Variants in KIAA1328 observed in about 807,000 individuals in gnomAD.
The protein encoded by KIAA1328 is protein hinderin.
A neutral mutation model predicts 68.1 loss-of-function variants in KIAA1328; 52 were observed. That is an observed-to-expected ratio of 0.76 (90% confidence interval 0.61 to 0.96). The LOEUF is 0.96. KIAA1328 is among the 40% of genes least tolerant of loss of function. KIAA1328 has a pLI of 0.00. For synonymous variants in KIAA1328, 232 were observed against 239.4 expected, an observed-to-expected ratio of 0.97 and a Z score of 0.28; for missense variants, 641 against 677.6, an observed-to-expected ratio of 0.95 and a Z score of 0.60.
intron 9 of KIAA1328, among the ~76,000 whole-genome samples, chr18:37,174,560 G>T (rs6507192): frequency 0.83 from 111,459 of 134,080 alleles, 44,443 homozygotes; most frequent in South Asian, 0.91. Context: ...TTTTTTTTTG[G>T]ATTTTTATTT....
chr18:36,961,639 A>G (rs2051679360), intron 6 of KIAA1328, among the ~76,000 whole-genome samples: 1 of 152,246 alleles, frequency 6.6e-6, no homozygotes, highest in South Asian at 2.1e-4. Context: ...CCTACAAGCC[A>G]GAAGAGAGTG....
At chr18:37,045,755 A>C (rs1035514924) in intron 6 of KIAA1328, among the ~76,000 whole-genome samples, 6 of 152,154 alleles carry the variant, frequency 3.9e-5, no homozygotes, top group Non-Finnish European at 5.9e-5. Flanking sequence ...GATGGTTTTG[A>C]CCAAGATGTT....
At position 37,055,273 on chromosome 18, in the gene KIAA1328, T is replaced by C. The variant is rs115757989; in HGVS notation, c.577-11617T>C. ...TGAATAATTTAAAATTCAGCTCTAA[T>C]TGGTGTCATATGACCTGGAAAAGGC... On this transcript the variant is annotated intron_variant, in intron 6 of 9. Coordinates refer to ENST00000280020, the MANE Select transcript of KIAA1328 (RefSeq NM_020776.3). Among the ~76,000 whole-genome samples, 832 of 152,320 alleles carry C rather than the reference T, an allele frequency of 5.5e-3. 12 individuals are homozygous for C. The highest frequency in any genetic ancestry group is 0.019 in the African/African-American group (776 of 41,574).
intron 6 of KIAA1328, among the ~76,000 whole-genome samples, chr18:37,017,803 T>A (rs992840771): frequency 3.3e-5 from 5 of 152,148 alleles, no homozygotes; most frequent in Admixed American, 2.6e-4. Context: ...TTGTTTTCTA[T>A]TTATGCGGTA....
chr18:37,147,228 C>T (rs1260143238), intron 7 of KIAA1328, among the ~76,000 whole-genome samples: 1 of 152,134 alleles, frequency 6.6e-6, no homozygotes, highest in Non-Finnish European at 1.5e-5. Context: ...TCCTTTATAG[C>T]AACACAAAAC....
At chr18:36,922,369 G>C (rs1350737805) in intron 5 of KIAA1328, among the ~76,000 whole-genome samples, 1 of 152,104 alleles carries the variant, frequency 6.6e-6, no homozygotes, top group Non-Finnish European at 1.5e-5. Flanking sequence ...CCATCTCTCA[G>C]TTGGCAACTT....
chr18:36,840,867 G>A (rs779827076), intron 3 of KIAA1328, among the ~76,000 whole-genome samples: 3 of 152,116 alleles, frequency 2.0e-5, no homozygotes, highest in Non-Finnish European at 4.4e-5. Context: ...GAAGCAGACC[G>A]CGAGATGGAA....
intron 6 of KIAA1328, among the ~76,000 whole-genome samples, chr18:37,015,289 T>C (rs1398997152): frequency 1.3e-5 from 2 of 152,198 alleles, no homozygotes; most frequent in Non-Finnish European, 2.9e-5. Context: ...TGTCAGTTTG[T>C]CAAAGATCAG....
intron 5 of KIAA1328, among the ~76,000 whole-genome samples, chr18:36,901,336 T>C (rs1244206258): frequency 3.3e-5 from 5 of 152,038 alleles, no homozygotes; most frequent in Non-Finnish European, 7.4e-5. Context: ...GCATGTCAAA[T>C]GTGACAGCAG....
intron 5 of KIAA1328, among the ~76,000 whole-genome samples, chr18:36,904,602 A>G (rs528863125): frequency 1.3e-5 from 2 of 152,208 alleles, no homozygotes; most frequent in South Asian, 4.1e-4. Context: ...TTTTAAACTA[A>G]TTGTGCCTTT....
chr18:37,155,889 A>T (rs2059140519), intron 7 of KIAA1328, among the ~76,000 whole-genome samples: 1 of 152,178 alleles, frequency 6.6e-6, no homozygotes, highest in Non-Finnish European at 1.5e-5. Context: ...ATATTTGCTA[A>T]TACTTTTTTA....
intron 9 of KIAA1328, among the ~76,000 whole-genome samples, chr18:37,217,867 C>A (rs2060477349): frequency 6.6e-6 from 1 of 152,172 alleles, no homozygotes; most frequent in African/African-American, 2.4e-5. Flanking sequence ...TTGTTCGTTT[C>A]TTTTTACTCT....
At chr18:36,989,513 C>A (rs936950876) in intron 6 of KIAA1328, among the ~76,000 whole-genome samples, 1 of 152,102 alleles carries the variant, frequency 6.6e-6, no homozygotes, top group Admixed American at 6.6e-5. Flanking sequence ...TAAAAAAATT[C>A]TTCTGCTTTT....
At chr18:37,110,224 A>G (rs2057891640) in intron 7 of KIAA1328, among the ~76,000 whole-genome samples, 1 of 152,108 alleles carries the variant, frequency 6.6e-6, no homozygotes, top group African/African-American at 2.4e-5. Flanking sequence ...CCAGGCCAAG[A>G]TTTTGTTAAT....
At chr18:36,900,515 T>G (rs9304164) in intron 5 of KIAA1328, among the ~76,000 whole-genome samples, 151,859 of 151,936 alleles carry the variant, frequency 1, 75,892 homozygotes, top group Middle Eastern at 1. Context: ...GCACTGCTGG[T>G]GTTTAAGAGC....
At chr18:37,059,099 T>C (rs550000691) in intron 6 of KIAA1328, among the ~76,000 whole-genome samples, 1 of 152,116 alleles carries the variant, frequency 6.6e-6, no homozygotes, top group Non-Finnish European at 1.5e-5. Flanking sequence ...CATGCAATGT[T>C]GATGTGACCT....
intron 6 of KIAA1328, among the ~76,000 whole-genome samples, chr18:36,997,965 G>A (rs374009122): frequency 3.0e-4 from 45 of 152,296 alleles, no homozygotes; most frequent in African/African-American, 1.0e-3. Flanking sequence ...TTAGGTTGTG[G>A]CAACCAAGGC....
chr18:36,859,456 TA>T (rs1033736048), intron 4 of KIAA1328, among the ~76,000 whole-genome samples: 2 of 151,734 alleles, frequency 1.3e-5, no homozygotes, highest in Admixed American at 1.3e-4. Context: ...TGATGTGCCT[TA>T]AAAAAAATGA....
At chr18:37,016,144 T>C (rs1255198701) in intron 6 of KIAA1328, among the ~76,000 whole-genome samples, 2 of 152,200 alleles carry the variant, frequency 1.3e-5, no homozygotes, top group African/African-American at 2.4e-5. Flanking sequence ...TTGTCTTAGA[T>C]AGCTCTTATT....
Sources: gnomAD v4.1 joint callset for allele counts (sites outside exome capture counted in the v4.1 genomes callset) on GRCh38, gnomAD v4.1.1 for gene constraint, MANE v1.5 for transcripts, NCBI Gene and HGNC (gene_info 2026-07-23, HGNC 2026-07-21) for gene names.